Variants in EVC2 observed in about 807,000 individuals in gnomAD.
EVC2 encodes limbin.
In EVC2, 148 loss-of-function variants were observed where a neutral mutation model predicts 149.3. The observed-to-expected ratio is 0.99, with a 90% CI of 0.87 to 1.14. The LOEUF (loss-of-function observed/expected upper bound fraction) is 1.14. EVC2 is among the 50% of genes most tolerant of loss of function. The pLI is 0.00. For missense variants in EVC2, 1,854 were observed against 1,627.3 expected (o/e 1.14, Z -2.40); for synonymous variants, 776 against 649.9 (o/e 1.19, Z -2.95).
chr4:5,635,041 T>TTG, intron 10 of EVC2, among the ~76,000 whole-genome samples: 1 of 141,412 alleles, frequency 7.1e-6, no homozygotes, highest in Non-Finnish European at 1.5e-5. Context: ...TTTTTTTTTT[T>TTG]TTTTTTTTTT....
chr4:5,545,306 G>A (rs950322005), intron 21 of EVC2, among the ~76,000 whole-genome samples: 2 of 152,130 alleles, frequency 1.3e-5, no homozygotes, highest in African/African-American at 4.8e-5. Flanking sequence ...CCACTTTCAG[G>A]CCAGGGAAGT....
At chr4:5,634,409 C>CT (rs796317670) in intron 10 of EVC2, among the ~76,000 whole-genome samples, 34 of 152,246 alleles carry the variant, frequency 2.2e-4, no homozygotes, top group African/African-American at 7.2e-4. Flanking sequence ...AAGCGACCTT[C>CT]TTTTTTTGAC....
intron 16 of EVC2, among the ~76,000 whole-genome samples, chr4:5,588,616 C>T (rs1712506008): frequency 6.6e-6 from 1 of 152,176 alleles, no homozygotes; most frequent in South Asian, 2.1e-4. Context: ...TTCAAGCTAA[C>T]TAATTTTTTT....
chr4:5,580,766 C>A (rs955636234), intron 17 of EVC2, among the ~76,000 whole-genome samples: 4 of 24,578 alleles, frequency 1.6e-4, no homozygotes, highest in Non-Finnish European at 3.6e-4. Flanking sequence ...GGAGTTTTAT[C>A]TTGAATGGGT....
intron 21 of EVC2, among the ~76,000 whole-genome samples, chr4:5,547,755 G>C (rs943602714): frequency 6.6e-6 from 1 of 152,280 alleles, no homozygotes; most frequent in East Asian, 1.9e-4. Flanking sequence ...CTTGGGACCT[G>C]CGGAAGGCAG....
rs28712249 is a variant in EVC2 at position 5,552,774 on chromosome 4, C to G, written c.3420-9562G>C. Reference sequence around the variant, plus strand: ...GGAGACAGACAATGAACTGAGACAACTAGAATTTATGAGACAGAATACTGA... The same window carrying G: ...GGAGACAGACAATGAACTGAGACAAGTAGAATTTATGAGACAGAATACTGA... On this transcript the variant is annotated intron_variant and NMD_transcript_variant, in intron 21 of 22. Coordinates refer to the EVC2 transcript ENST00000475313. Among the ~76,000 whole-genome samples, 40 of 152,252 alleles carry G rather than the reference C, an allele frequency of 2.6e-4. 1 individual carries two copies. The highest frequency in any genetic ancestry group is 8.9e-4 in the African/African-American group (37 of 41,554).
intron 16 of EVC2, among the ~76,000 whole-genome samples, chr4:5,597,109 G>A (rs529783221): frequency 3.1e-3 from 477 of 152,230 alleles, no homozygotes; most frequent in African/African-American, 8.3e-3. Flanking sequence ...AGGACCAGAC[G>A]GATTCACAGC....
chr4:5,573,908 G>A (rs997670894), intron 19 of EVC2, among the ~76,000 whole-genome samples: 3 of 152,212 alleles, frequency 2.0e-5, no homozygotes, highest in Non-Finnish European at 2.9e-5. Flanking sequence ...GGGACTTGGA[G>A]GCATTTGCTT....
Position 5,625,952 on chromosome 4 carries a change from C to T in EVC2, c.1887-44G>A. 2.5e-6 allele frequency: 4 copies of T among 1,610,000 alleles called. No individual in the cohort carries two copies. The highest frequency in any genetic ancestry group is 3.4e-6 in the Non-Finnish European group (4 of 1,177,620). On this transcript the variant is annotated intron_variant, in intron 12 of 21. Transcript: ENST00000344408. The surrounding 1 kb of genome is among the most constrained non-coding windows in gnomAD (Gnocchi z 4.0). ...AAGTTAGGAATGTGGTCTCCAAACT[C>T]ACCTGTAGCTTAACTGCTATTGTGC...
Position 5,640,939 on chromosome 4 carries a change from G to T in EVC2, c.1146-101C>A. ...GGTTTTCATTTATGTGTAGGCAAGG[G>T]CTTTCTTCGTCTTCCTTTTCTTCCT... On this transcript the variant is annotated intron_variant, in intron 9 of 21. Coordinates refer to ENST00000344408, the MANE Select transcript of EVC2 (RefSeq NM_147127.5). The surrounding 1 kb of genome is among the most constrained non-coding windows in gnomAD (Gnocchi z 4.6). The T allele has an allele frequency of 3.7e-6, 5 of 1,356,762 alleles. No homozygotes were observed. Among genetic ancestry groups the T allele is most frequent in the Non-Finnish European group, 5.2e-6 (5 of 958,424 alleles). The allele number at this position is 1,356,762 out of a possible 1,614,324, so 84.0% of individuals were successfully genotyped here.
At chr4:5,669,572 C>CTA (rs1719496460) in intron 7 of EVC2, among the ~76,000 whole-genome samples, 2 of 152,204 alleles carry the variant, frequency 1.3e-5, no homozygotes, top group South Asian at 4.1e-4. Flanking sequence ...CAGCATCACT[C>CTA]TACCGTAAAA....
intron 21 of EVC2, 41 bp downstream of exon 21, chr4:5,565,217 T>C (rs765541745): frequency 1.3e-6 from 2 of 1,599,776 alleles, no homozygotes; most frequent in African/African-American, 2.7e-5. Flanking sequence ...GCAGCTTAGC[T>C]CACCCCCTCC....
chr4:5,546,985 G>A (rs73070496), intron 21 of EVC2, among the ~76,000 whole-genome samples: 280 of 152,306 alleles, frequency 1.8e-3, no homozygotes, highest in African/African-American at 6.0e-3. Flanking sequence ...CCATGGAGCA[G>A]GCAGGAGCCC....
Position 5,637,036 on chromosome 4 carries a change from G to T in EVC2, c.1470+3478C>A, listed in dbSNP as rs552340614. Reference sequence around the variant, plus strand: ...GAGTGATGGTGCCTGCCCAATACACGCTGGCTTGCAAGGTGGTGTGGGTGG... The same window carrying T: ...GAGTGATGGTGCCTGCCCAATACACTCTGGCTTGCAAGGTGGTGTGGGTGG... On this transcript the variant is annotated intron_variant, in intron 10 of 21. Transcript: ENST00000344408. The surrounding 1 kb of genome is among the most constrained non-coding windows in gnomAD (Gnocchi z 4.4). Among the ~76,000 whole-genome samples, 128 of 152,256 alleles carry T rather than the reference G, an allele frequency of 8.4e-4. No homozygotes were observed. The highest frequency in any genetic ancestry group is 3.0e-3 in the African/African-American group (126 of 41,556).
At chr4:5,694,539 A>G (rs1721342762) in intron 2 of EVC2, 38 bp from the exon 3 acceptor site, 2 of 1,613,142 alleles carry the variant, frequency 1.2e-6, no homozygotes, top group East Asian at 4.5e-5. Context: ...TATAATGCGG[A>G]AAGACAGTAA....
At chr4:5,564,873 G>A (rs1249863552) in intron 21 of EVC2, among the ~76,000 whole-genome samples, 3 of 152,144 alleles carry the variant, frequency 2.0e-5, no homozygotes, top group Non-Finnish European at 2.9e-5. Context: ...CTGTTGGCCT[G>A]GGGCCTCTTC....
At chr4:5,612,750 G>A (rs1202816458) in intron 16 of EVC2, among the ~76,000 whole-genome samples, 3 of 151,786 alleles carry the variant, frequency 2.0e-5, no homozygotes, top group Admixed American at 6.6e-5. Flanking sequence ...GTGAAACCCT[G>A]TCTCTACTAA....
intron 21 of EVC2, among the ~76,000 whole-genome samples, chr4:5,543,457 G>A (rs951617502): frequency 6.6e-5 from 10 of 152,198 alleles, no homozygotes; most frequent in South Asian, 2.1e-4. Flanking sequence ...TGCAGGGTTC[G>A]AAGTGTTTCA....
At chr4:5,579,280 T>C (rs1711545817) in intron 17 of EVC2, among the ~76,000 whole-genome samples, 2 of 152,164 alleles carry the variant, frequency 1.3e-5, no homozygotes, top group South Asian at 4.1e-4. Context: ...GGTGAAATGA[T>C]TTAACCTTCC....
Sources: gnomAD v4.1 joint callset for allele counts (sites outside exome capture counted in the v4.1 genomes callset) on GRCh38, gnomAD v4.1.1 for gene constraint, Gnocchi (gnomAD v3.1) non-coding constraint, MANE v1.5 for transcripts, NCBI Gene and HGNC (gene_info 2026-07-23, HGNC 2026-07-21) for gene names.